CGN: variants seen among roughly 807,000 people sequenced by gnomAD.
The protein encoded by CGN is cingulin.
A neutral mutation model predicts 157.1 loss-of-function variants in CGN; 121 were observed. The ratio of observed to expected loss-of-function variants is 0.77; its 90% CI spans 0.66 to 0.90. CGN has a LOEUF of 0.90. Ranked by LOEUF, CGN falls within the 40% of genes least tolerant of loss-of-function variation. The probability of loss-of-function intolerance (pLI) is 0.00; values close to 1 mark genes in which losing one functional copy is unlikely to be tolerated. For missense variants in CGN, 1,424 were observed against 1,520.9 expected (o/e 0.94, Z 1.06); for synonymous variants, 535 against 607.5 (o/e 0.88, Z 1.76).
rs1664995804 is a variant in CGN at position 151,537,488 on chromosome 1, G to GA, written c.*143dup. On this transcript the variant is annotated 3_prime_UTR_variant, in exon 21 of 21. Coordinates refer to ENST00000271636, the MANE Select transcript of CGN (RefSeq NM_020770.3). The stretch of plus-strand genomic sequence containing the variant: ...GACAGGGAGGGGTCAGAGTGATGGT[G>GA]ATAAAAAAAAAAAATCATCAGCAAT... The GA allele has an allele frequency of 2.2e-6, 1 of 454,358 alleles. No homozygotes were observed. The highest frequency in any genetic ancestry group is 5.8e-4 in the Middle Eastern group (1 of 1,726). The allele number at this position is 454,358 out of a possible 1,614,324, so 28.1% of individuals were successfully genotyped here. A position where few individuals can be genotyped will look rare whatever the true frequency, so the allele number is the denominator to read the frequency against.
In CGN at chr1:151,523,483, A is replaced by T. The variant is rs200391412; in HGVS notation, c.1190A>T (p.Glu397Val). 400 of 1,613,584 alleles carry T rather than the reference A, an allele frequency of 2.5e-4. 4 individuals carry two copies. The South Asian group carries it at 3.2e-3, about 13-fold the overall frequency. Reference sequence around the variant, plus strand: ...CAAGTTGGGCTGGAGCGGCAGCTGGAGGAGAAAACAGAAGAGTGCAGCCGA... The same window carrying T: ...CAAGTTGGGCTGGAGCGGCAGCTGGTGGAGAAAACAGAAGAGTGCAGCCGA... ...PSQVGLERQL[E>V]EKTEECSRLQ... The change falls in exon 6 of 21, where the codon GAG becomes GTG. Residue 397 changes from glutamate (E) to valine (V), a missense_variant. Glu to Val is a moderately radical substitution (Grantham distance 121, BLOSUM62 -2). Coordinates refer to ENST00000271636, the MANE Select transcript of CGN (RefSeq NM_020770.3).
chr1:151,531,277 C>T (rs1456561903), intron 13 of CGN, among the ~76,000 whole-genome samples: 1 of 152,192 alleles, frequency 6.6e-6, no homozygotes, highest in Non-Finnish European at 1.5e-5. Flanking sequence ...CATCCTATTC[C>T]TTTATGGTCT....
intron 14 of CGN, among the ~76,000 whole-genome samples, chr1:151,532,820 C>T (rs568110741): frequency 2.6e-5 from 4 of 152,014 alleles, no homozygotes; most frequent in Admixed American, 6.5e-5. Context: ...GGGGTTTCAC[C>T]GTGTTAGCCA....
In CGN at chr1:151,519,052, T is replaced by C; in HGVS notation, c.533T>C (p.Val178Ala). 6.2e-7 allele frequency: 1 copy of C among 1,614,124 alleles called. No homozygotes were observed. The highest frequency in any genetic ancestry group is 8.5e-7 in the Non-Finnish European group (1 of 1,180,006). ...STIDTAPLSS[V>A]DSLINKFDSQ... Reference sequence around the variant, plus strand: ...ATTGACACTGCTCCCCTGTCTTCAGTGGACTCACTCATCAACAAGTTTGAC... The same window carrying C: ...ATTGACACTGCTCCCCTGTCTTCAGCGGACTCACTCATCAACAAGTTTGAC... Residue 178 changes from valine to alanine, a missense_variant, in exon 2 of 21, where the codon GTG becomes GCG. Val to Ala is a moderately conservative substitution (Grantham distance 64, BLOSUM62 0). Coordinates refer to ENST00000271636, the MANE Select transcript of CGN (RefSeq NM_020770.3).
chr1:151,535,237 C>A, intron 16 of CGN, 106 bp downstream of exon 16: 1 of 862,020 alleles, frequency 1.2e-6, no homozygotes, highest in Non-Finnish European at 1.9e-6. Flanking sequence ...GCTGCCGAAT[C>A]TGTGCGTGGC....
chr1:151,525,611 C>T, intron 8 of CGN, 31 bp from the exon 9 acceptor site: 1 of 1,526,378 alleles, frequency 6.6e-7, no homozygotes, highest in Admixed American at 2.1e-5. Flanking sequence ...TCCCTCTGAG[C>T]CTTCTGGTGT....
chr1:151,519,929 A>T (rs2102489991), intron 2 of CGN, among the ~76,000 whole-genome samples: 1 of 152,254 alleles, frequency 6.6e-6, no homozygotes, highest in South Asian at 2.1e-4. Flanking sequence ...TGTTGAGGAA[A>T]ATCTGGTTTA....
At chr1:151,520,133 T>C in intron 2 of CGN, 33 bp from the exon 3 acceptor site, 3 of 1,509,256 alleles carry the variant, frequency 2.0e-6, no homozygotes, top group Non-Finnish European at 2.7e-6. Flanking sequence ...TTTCTTTCTT[T>C]CTTTTTTTTT....
chr1:151,510,562 C>T (rs1664259227), upstream of CGN: 1 of 152,154 alleles, frequency 6.6e-6, no homozygotes, highest in African/African-American at 2.4e-5. Context: ...AAATTTACAA[C>T]TGAGTCCCTT....
Position 151,530,610 on chromosome 1 carries a change from TG to T in CGN, c.2439del (p.Gln814ArgfsTer6). On this transcript the variant is annotated frameshift_variant, in exon 13 of 21. Coordinates refer to ENST00000271636, the MANE Select transcript of CGN (RefSeq NM_020770.3). LOFTEE classifies it high-confidence loss of function. ...LEEAQRGLAR[L>X]GQEQQTLNRA... ...GAGGCTCAGCGGGGGCTGGCCCGCC[TG>T]GGGCAGGAGCAGCAGACACTGAACC... is the stretch of plus-strand genomic sequence containing the variant. 6.2e-7 allele frequency: 1 copy of T among 1,610,846 alleles called. No homozygotes were observed. Among genetic ancestry groups the T allele is most frequent in the South Asian group, 1.1e-5 (1 of 90,746 alleles).
chr1:151,517,924 C>G lies in CGN; in HGVS notation c.-14-582C>G, dbSNP rs183115871. ...GGAGAACAGTGGCATAATCACTGCT[C>G]ACTGCAGCCTCTCTCAAGCTCAAGT... On this transcript the variant is annotated intron_variant, in intron 1 of 20. Coordinates refer to ENST00000271636, the MANE Select transcript of CGN (RefSeq NM_020770.3). Among the ~76,000 whole-genome samples the G allele has an allele frequency of 9.6e-4, 146 of 151,480 alleles. 1 individual carries two copies. The highest frequency in any genetic ancestry group is 3.5e-3 in the African/African-American group (142 of 41,142).
intron 2 of CGN, 32 bp from the exon 3 acceptor site, chr1:151,520,134 C>CA (rs1553245446): frequency 5.6e-5 from 79 of 1,398,434 alleles, no homozygotes; most frequent in Non-Finnish European, 7.3e-5. Flanking sequence ...TTCTTTCTTT[C>CA]TTTTTTTTTT....
chr1:151,532,182 G>A (rs2102501220), intron 13 of CGN, among the ~76,000 whole-genome samples: 1 of 152,294 alleles, frequency 6.6e-6, no homozygotes, highest in South Asian at 2.1e-4. Context: ...GACCCAGAGA[G>A]ATAAGTAACT....
chr1:151,531,643 A>C (rs1252900915), intron 13 of CGN, among the ~76,000 whole-genome samples: 1 of 152,222 alleles, frequency 6.6e-6, no homozygotes, highest in South Asian at 2.1e-4. Flanking sequence ...CCTGTCAAAA[A>C]AAAAAATCTT....
chr1:151,528,297 T>G (rs1026332507), intron 10 of CGN, among the ~76,000 whole-genome samples: 1 of 151,450 alleles, frequency 6.6e-6, no homozygotes, highest in African/African-American at 2.4e-5. Context: ...TCACACTGTA[T>G]TTTTTTTAAA....
rs912576558 is a variant in CGN at position 151,518,737 on chromosome 1, A to G, written c.218A>G (p.Lys73Arg). The change falls in exon 2 of 21, where the codon AAA becomes AGA. Residue 73 changes from lysine (K) to arginine (R), a missense_variant. By Grantham distance (26) the Lys-to-Arg change is conservative. Around this residue, in one of 3 missense-constraint regions of CGN, gnomAD observed 1,187 missense variants for 1,217.6 expected, o/e 0.97. Transcript: ENST00000271636. ...TTTGTGGTGCTCAACAGTGGGGAGA[A>G]AGGCGGTGACTCCTTTGGGGTCCAA... The part of the protein sequence containing the change: ...QPFVVLNSGE[K>R]GGDSFGVQIK... The G allele has an allele frequency of 2.4e-5, 39 of 1,613,962 alleles. 3 individuals carry two copies.
chr1:151,525,413 G>A (rs1252386380), intron 8 of CGN, among the ~76,000 whole-genome samples: 2 of 152,000 alleles, frequency 1.3e-5, no homozygotes, highest in African/African-American at 4.8e-5. Flanking sequence ...AAAATAAAAA[G>A]TCCCAAGGGG....
intron 16 of CGN, 116 bp downstream of exon 16, chr1:151,535,247 C>A: frequency 1.2e-6 from 1 of 806,854 alleles, no homozygotes; most frequent in Non-Finnish European, 2.0e-6. Flanking sequence ...CTGTGCGTGG[C>A]TGGGTCTCCT....
chr1:151,532,648 C>T, intron 14 of CGN, 76 bp downstream of exon 14: 2 of 1,143,618 alleles, frequency 1.7e-6, no homozygotes, highest in South Asian at 2.3e-5. Flanking sequence ...GAGACAGAGT[C>T]TCACTCTGTC....
Sources: gnomAD v4.1 joint callset for allele counts (sites outside exome capture counted in the v4.1 genomes callset) on GRCh38, gnomAD v4.1.1 for gene constraint, gnomAD v4.1.1 regional missense constraint, MANE v1.5 for transcripts, NCBI Gene and HGNC (gene_info 2026-07-23, HGNC 2026-07-21) for gene names.